CDA: variants seen among roughly 807,000 people sequenced by gnomAD.
CDA encodes cytidine aminohydrolase.
CDA carries 7 observed loss-of-function variants against 15.0 expected under a neutral mutation model. That is an observed-to-expected ratio of 0.47 (90% CI 0.26 to 0.87). The LOEUF is 0.87. Ranked by LOEUF, CDA falls within the 40% of genes least tolerant of loss-of-function variation. CDA has a pLI of 0.15. For synonymous variants in CDA, 58 were observed against 73.0 expected, an observed-to-expected ratio of 0.79 and a Z score of 1.05; for missense variants, 159 against 182.7, an observed-to-expected ratio of 0.87 and a Z score of 0.75.
chr1:20,609,316 C>A (rs1264670331), intron 2 of CDA, among the ~76,000 whole-genome samples: 2 of 152,116 alleles, frequency 1.3e-5, no homozygotes, highest in East Asian at 3.9e-4. Context: ...AACCCCGTCT[C>A]TACTAAAAAT....
chr1:20,616,508 T>C (rs2052813788), intron 3 of CDA, among the ~76,000 whole-genome samples: 1 of 151,868 alleles, frequency 6.6e-6, no homozygotes, highest in Non-Finnish European at 1.5e-5. Flanking sequence ...TTTGTCTCAC[T>C]TGAGAGGGGC....
At chr1:20,595,000 C>T (rs190912658) in intron 1 of CDA, among the ~76,000 whole-genome samples, 23 of 152,018 alleles carry the variant, frequency 1.5e-4, no homozygotes, top group Admixed American at 1.5e-3. Flanking sequence ...GAGTATGCAT[C>T]TGGCGATGAG....
intron 1 of CDA, among the ~76,000 whole-genome samples, chr1:20,593,411 G>T (rs1028485991): frequency 6.6e-6 from 1 of 152,152 alleles, no homozygotes; most frequent in Non-Finnish European, 1.5e-5. Context: ...AACCAGAGCG[G>T]GCAAGGGTAG....
At position 20,618,243 on chromosome 1, in the gene CDA, T is replaced by C. The variant is rs533213104; in HGVS notation, c.325-209T>C. Among the ~76,000 whole-genome samples, 18 of 75,008 alleles carry C rather than the reference T, an allele frequency of 2.4e-4. 1 individual carries two copies. The South Asian group carries it at 6.4e-3, about 27-fold the overall frequency. The allele number at this position is 75,008 out of a possible 152,430, so 49.2% of individuals were successfully genotyped here. Reference sequence around the variant, plus strand: ...AATGGTGCCTGTTCACGATGTACCATGCACTGTTCAGTTTCACAGCATTCT... The same window carrying C: ...AATGGTGCCTGTTCACGATGTACCACGCACTGTTCAGTTTCACAGCATTCT... On this transcript the variant is annotated intron_variant, in intron 3 of 3. Coordinates refer to ENST00000375071, the MANE Select transcript of CDA (RefSeq NM_001785.3).
chr1:20,595,385 T>C (rs953415935), intron 1 of CDA, among the ~76,000 whole-genome samples: 1 of 152,140 alleles, frequency 6.6e-6, no homozygotes, highest in Non-Finnish European at 1.5e-5. Flanking sequence ...CTGGTCTCCC[T>C]TTCTCTGCCT....
intron 1 of CDA, among the ~76,000 whole-genome samples, chr1:20,600,421 T>C (rs910935768): frequency 2.0e-5 from 3 of 150,244 alleles, no homozygotes; most frequent in Admixed American, 6.6e-5. Context: ...AAGGTGGGAG[T>C]GGTGAGCAGA....
chr1:20,597,848 G>C (rs2052603850), intron 1 of CDA, among the ~76,000 whole-genome samples: 1 of 151,620 alleles, frequency 6.6e-6, no homozygotes. Context: ...CAGCATTTCA[G>C]GATGCAGTAC....
At chr1:20,591,288 C>A (rs1343272482) in intron 1 of CDA, among the ~76,000 whole-genome samples, 1 of 152,044 alleles carries the variant, frequency 6.6e-6, no homozygotes, top group Non-Finnish European at 1.5e-5. Context: ...TTGCAGAGAG[C>A]CGAGATCGTG....
chr1:20,599,652 CAAAA>C (rs2052623938), intron 1 of CDA, among the ~76,000 whole-genome samples: 1 of 28,534 alleles, frequency 3.5e-5, no homozygotes, highest in East Asian at 1.1e-3. Context: ...TAAAATAAAA[CAAAA>C]TAAAATAAAA....
intron 2 of CDA, among the ~76,000 whole-genome samples, chr1:20,611,649 G>C (rs1012175084): frequency 6.6e-6 from 1 of 152,078 alleles, no homozygotes; most frequent in Non-Finnish European, 1.5e-5. Context: ...AAAGTGCTGG[G>C]ATTATAGGCG....
chr1:20,602,572 T>C (rs963575259), intron 1 of CDA, among the ~76,000 whole-genome samples: 3 of 152,180 alleles, frequency 2.0e-5, no homozygotes, highest in Non-Finnish European at 4.4e-5. Context: ...TACAGGTGGC[T>C]GCCACCATGC....
rs760754305 is a variant in CDA, at chr1:20,610,261, C to CTTTTTTTTT, written c.267-3577_267-3569dup. On this transcript the variant is annotated intron_variant, in intron 2 of 3. Transcript: ENST00000375071. ...CTGGCACATTCTAGGCACACATTAT[C>CTTTTTTTTT]TTTTTTTTTTTTATTTTATTTTATT... is the stretch of plus-strand genomic sequence containing the variant. 1.0e-3 allele frequency among the ~76,000 whole-genome samples: 65 copies of CTTTTTTTTT among 62,906 alleles called. 1 individual carries two copies. The highest frequency in any genetic ancestry group is 1.8e-3 in the Non-Finnish European group (43 of 23,314). The allele number at this position is 62,906 out of a possible 152,430, so 41.3% of individuals were successfully genotyped here.
chr1:20,590,910 C>G (rs2052541824), intron 1 of CDA, among the ~76,000 whole-genome samples: 1 of 152,208 alleles, frequency 6.6e-6, no homozygotes, highest in Admixed American at 6.5e-5. Context: ...GTGGGGCCAG[C>G]ATGGCTGCCT....
chr1:20,595,221 T>G (rs1036564252), intron 1 of CDA, among the ~76,000 whole-genome samples: 1 of 152,162 alleles, frequency 6.6e-6, no homozygotes, highest in African/African-American at 2.4e-5. Context: ...CTCAACCAGC[T>G]GGGGTGAATT....
chr1:20,607,809 A>C (rs1398921942), intron 2 of CDA, among the ~76,000 whole-genome samples: 1 of 152,186 alleles, frequency 6.6e-6, no homozygotes, highest in Admixed American at 6.6e-5. Flanking sequence ...GATTTAGAGG[A>C]TGAATGAGAA....
chr1:20,601,246 C>T (rs979126074), intron 1 of CDA, among the ~76,000 whole-genome samples: 6 of 152,186 alleles, frequency 3.9e-5, no homozygotes, highest in African/African-American at 1.2e-4. Flanking sequence ...TGGCGGCCCA[C>T]ACTCAGTGTC....
chr1:20,604,878 A>G (rs1350042378), intron 1 of CDA, 50 bp from the exon 2 acceptor site: 12 of 1,223,720 alleles, frequency 9.8e-6, no homozygotes, highest in Non-Finnish European at 1.3e-5. Context: ...AACACACGCA[A>G]CAGGAAGTGT....
At chr1:20,594,332 T>C (rs1208739785) in intron 1 of CDA, among the ~76,000 whole-genome samples, 2 of 151,954 alleles carry the variant, frequency 1.3e-5, no homozygotes, top group Admixed American at 1.3e-4. Context: ...TAGGTTTTCA[T>C]GATGCACCTC....
chr1:20,596,385 AATTT>A (rs2052591774), intron 1 of CDA, among the ~76,000 whole-genome samples: 1 of 151,944 alleles, frequency 6.6e-6, no homozygotes, highest in Non-Finnish European at 1.5e-5. Flanking sequence ...GAAAATTTGA[AATTT>A]TTGAGCTCCA....
Sources: gnomAD v4.1 joint callset for allele counts (sites outside exome capture counted in the v4.1 genomes callset) on GRCh38, gnomAD v4.1.1 for gene constraint, MANE v1.5 for transcripts, NCBI Gene and HGNC (gene_info 2026-07-23, HGNC 2026-07-21) for gene names.